Variants in NSUN6 observed in about 807,000 individuals in gnomAD.
The protein encoded by NSUN6 is tRNA (cytosine(72)-C(5))-methyltransferase NSUN6.
Under a neutral mutation model 58.0 loss-of-function variants are expected in NSUN6, and 64 were observed. That is an observed-to-expected ratio of 1.10 (90% CI 0.90 to 1.36). The LOEUF is 1.36. NSUN6 is among the 40% of genes most tolerant of loss of function. NSUN6 has a pLI of 0.00. For synonymous variants in NSUN6, 231 were observed against 193.9 expected (o/e 1.19, Z -1.59); for missense variants, 701 against 550.1 (o/e 1.27, Z -2.74).
intron 8 of NSUN6, among the ~76,000 whole-genome samples, chr10:18,581,676 A>T (rs1358192373): frequency 1.3e-5 from 2 of 151,952 alleles, no homozygotes; most frequent in East Asian, 3.9e-4. Context: ...AATACAAAAC[A>T]TTACCTGGGT....
rs746213841 is a variant in NSUN6, at chr10:18,586,034, G to A, written c.837C>T (p.Ala279=). The A allele has an allele frequency of 1.2e-6, 2 of 1,610,476 alleles. No individual in the cohort carries two copies. The highest frequency in any genetic ancestry group is 1.3e-5 in the African/African-American group (1 of 74,704). ...FNKVEKIKQN[A]LLLGLNSIRA... is the part of the protein sequence containing the mutation. ...TGATGGAATTCAGCCCTAACAATAA[G>A]GCATTCTGTTTGATTTTTTCTACTT... Residue 279 remains alanine, a synonymous_variant, in exon 8 of 11, where the codon GCC becomes GCT. Transcript: ENST00000377304.
chr10:18,616,085 A>T, intron 4 of NSUN6, 99 bp downstream of exon 4: 1 of 716,462 alleles, frequency 1.4e-6, no homozygotes, highest in South Asian at 1.8e-5. Flanking sequence ...ACCAAGAAAA[A>T]TTTGGAATAT....
intron 8 of NSUN6, among the ~76,000 whole-genome samples, chr10:18,568,838 ATTC>A (rs1399994294): frequency 5.2e-5 from 4 of 77,480 alleles, no homozygotes; most frequent in African/African-American, 2.1e-4. Flanking sequence ...TCCATTCTCT[ATTC>A]CATTCTACAT....
At chr10:18,647,740 T>TG (rs1412042507) in intron 2 of NSUN6, among the ~76,000 whole-genome samples, 3 of 143,230 alleles carry the variant, frequency 2.1e-5, no homozygotes, top group African/African-American at 7.9e-5. Flanking sequence ...TTTTTTTTTT[T>TG]TTTTTTTTTT....
Position 18,610,917 on chromosome 10 carries a change from G to T in NSUN6, c.576-991C>A, listed in dbSNP as rs979794436. The stretch of plus-strand genomic sequence containing the variant: ...ATTAAAAGGGAAGTATAAAAATCAG[G>T]ATTTAAGCCGGCACAGTGGCTTATG... On this transcript the variant is annotated intron_variant, in intron 5 of 10. Transcript: ENST00000377304. 2.6e-5 allele frequency among the ~76,000 whole-genome samples: 4 copies of T among 152,124 alleles called. No individual in the cohort carries two copies. In the East Asian group the frequency reaches 5.8e-4, roughly 22 times the overall value.
chr10:18,604,050 C>T (rs183230894), intron 6 of NSUN6, among the ~76,000 whole-genome samples: 24 of 152,052 alleles, frequency 1.6e-4, no homozygotes, highest in Admixed American at 1.4e-3. Context: ...GGCATAGTGG[C>T]GGGGGCCTGC....
Position 18,585,999 on chromosome 10 carries a change from CAAAATGCCCTGATGG to C in NSUN6, c.857_871del (p.Ser286_Phe290del). On this transcript the variant is annotated inframe_deletion, in exon 8 of 11. Coordinates refer to ENST00000377304, the MANE Select transcript of NSUN6 (RefSeq NM_182543.5). ...TTTAACCGCCTTTGTTCCATCAAAA[CAAAATGCCCTGATGG>C]AATTCAGCCCTAACAATAAGGCATT... 1 of 1,611,492 alleles carries C rather than the reference CAAAATGCCCTGATGG, an allele frequency of 6.2e-7. No individual in the cohort carries two copies. Among genetic ancestry groups the C allele is most frequent in the Non-Finnish European group, 8.5e-7 (1 of 1,179,334 alleles).
At chr10:18,624,783 G>C (rs1456051217) in intron 3 of NSUN6, among the ~76,000 whole-genome samples, 1 of 152,038 alleles carries the variant, frequency 6.6e-6, no homozygotes, top group Non-Finnish European at 1.5e-5. Context: ...TGAGAGGATG[G>C]GTCTTGGCTA....
At chr10:18,590,213 C>G (rs1438106812) in intron 7 of NSUN6, among the ~76,000 whole-genome samples, 1 of 152,146 alleles carries the variant, frequency 6.6e-6, no homozygotes, top group Non-Finnish European at 1.5e-5. Flanking sequence ...AGCTAACTAT[C>G]CTAAATATAT....
At chr10:18,571,874 C>G (rs2130984665) in intron 8 of NSUN6, among the ~76,000 whole-genome samples, 1 of 151,240 alleles carries the variant, frequency 6.6e-6, no homozygotes, top group South Asian at 2.1e-4. Flanking sequence ...CCATTCCATT[C>G]TATTCTCCAT....
chr10:18,606,234 C>T (rs1165855898), intron 6 of NSUN6, among the ~76,000 whole-genome samples: 1 of 152,100 alleles, frequency 6.6e-6, no homozygotes, highest in African/African-American at 2.4e-5. Context: ...CTCACAATCT[C>T]CAGGGGGTTA....
chr10:18,609,352 G>T (rs548380833), intron 6 of NSUN6, among the ~76,000 whole-genome samples: 2 of 152,084 alleles, frequency 1.3e-5, no homozygotes, highest in East Asian at 3.9e-4. Flanking sequence ...GACAGAGAAG[G>T]TGGGGCAGCA....
intron 5 of NSUN6, among the ~76,000 whole-genome samples, chr10:18,611,280 T>C (rs574274529): frequency 9.2e-5 from 14 of 152,190 alleles, no homozygotes; most frequent in African/African-American, 3.1e-4. Flanking sequence ...TAGGACTCCA[T>C]TAGGATGAGC....
At chr10:18,622,714 G>C (rs572128038) in intron 3 of NSUN6, among the ~76,000 whole-genome samples, 167 of 152,224 alleles carry the variant, frequency 1.1e-3, no homozygotes, top group African/African-American at 3.9e-3. Context: ...CGCCTTGGGG[G>C]GAAAAAGATG....
At chr10:18,551,244 T>TGGTGTGTGTGTG (rs1554847994) in intron 9 of NSUN6, among the ~76,000 whole-genome samples, 1 of 127,080 alleles carries the variant, frequency 7.9e-6, no homozygotes. Context: ...GTCCTCTCAG[T>TGGTGTGTGTGTG]TGTGTGTGTG....
At chr10:18,657,983 A>G (rs1461863154), upstream of NSUN6, among the ~76,000 whole-genome samples, 1 of 8,518 alleles carries the variant, frequency 1.2e-4, no homozygotes, top group Non-Finnish European at 3.6e-4. Flanking sequence ...CGAAAGCCAG[A>G]AAAAAAAAAA....
intron 8 of NSUN6, among the ~76,000 whole-genome samples, chr10:18,552,437 T>C (rs1465461196): frequency 6.6e-6 from 1 of 152,164 alleles, no homozygotes; most frequent in Non-Finnish European, 1.5e-5. Context: ...TGGTCTAGAA[T>C]AGGGAGAATG....
At position 18,548,148 on chromosome 10, in the gene NSUN6, G is replaced by T; in HGVS notation, c.1161C>A (p.Ala387=). The change falls in exon 10 of 11, where the codon GCC becomes GCA. Residue 387 remains alanine, a synonymous_variant. Coordinates refer to ENST00000377304, the MANE Select transcript of NSUN6 (RefSeq NM_182543.5). ...LAENEEQVAW[A]LTKFPCLQLQ... ...GCTGAAGGCAAGGAAATTTTGTCAG[G>T]GCCCAGGCAACCTGTTCTTCATTTT... 1 of 1,613,790 alleles carries T rather than the reference G, an allele frequency of 6.2e-7. No homozygotes were observed. The highest frequency in any genetic ancestry group is 8.5e-7 in the Non-Finnish European group (1 of 1,179,878).
chr10:18,605,051 A>G (rs1364838399), intron 6 of NSUN6, among the ~76,000 whole-genome samples: 1 of 151,502 alleles, frequency 6.6e-6, no homozygotes, highest in East Asian at 2.0e-4. Context: ...ACGCCCAGCT[A>G]ATTTTTTGTA....
Sources: allele counts gnomAD v4.1 joint callset (sites outside exome capture counted in the v4.1 genomes callset), GRCh38; gene constraint gnomAD v4.1.1; transcripts MANE v1.5; gene names NCBI Gene and HGNC (gene_info 2026-07-23, HGNC 2026-07-21).